FAF1: variants seen among roughly 807,000 people sequenced by gnomAD.
FAF1 encodes FAS-associated factor 1.
Under a neutral mutation model 92.5 loss-of-function variants are expected in FAF1, and 25 were observed. That is an observed-to-expected ratio of 0.27 (90% CI 0.20 to 0.38). The LOEUF (loss-of-function observed/expected upper bound fraction) is 0.38, where lower values mean the gene tolerates loss of function less well. FAF1 is among the 10% of genes least tolerant of loss of function. The pLI is 1.00. For missense variants in FAF1, 636 were observed against 793.3 expected, an observed-to-expected ratio of 0.80 and a Z score of 2.38; for synonymous variants, 234 against 273.2, an observed-to-expected ratio of 0.86 and a Z score of 1.42.
chr1:50,521,018 C>T lies in FAF1; in HGVS notation c.1494+14351G>A, dbSNP rs60779404. On this transcript the variant is annotated intron_variant, in intron 15 of 18. Coordinates refer to ENST00000396153, the MANE Select transcript of FAF1 (RefSeq NM_007051.3). ...TTCCTTAAAGAACAGGACTGGCACT[C>T]ATACTGTTTTTTATATATTAATTCA... Among the ~76,000 whole-genome samples the T allele has an allele frequency of 4.5e-3, 686 of 152,256 alleles. 6 individuals are homozygous for T. The highest frequency in any genetic ancestry group is 0.016 in the African/African-American group (653 of 41,552).
intron 7 of FAF1, among the ~76,000 whole-genome samples, chr1:50,676,474 G>T (rs939873305): frequency 2.0e-5 from 3 of 149,980 alleles, no homozygotes; most frequent in African/African-American, 7.3e-5. Context: ...TAAAAAAAAA[G>T]AAAAATGTAA....
At chr1:50,823,179 T>C (rs1266110919) in intron 2 of FAF1, among the ~76,000 whole-genome samples, 1 of 152,186 alleles carries the variant, frequency 6.6e-6, no homozygotes, top group African/African-American at 2.4e-5. Flanking sequence ...ATCTGCTTTA[T>C]ATTACAAGCA....
At chr1:50,635,773 C>T (rs1292385951) in intron 8 of FAF1, among the ~76,000 whole-genome samples, 1 of 152,166 alleles carries the variant, frequency 6.6e-6, no homozygotes, top group Non-Finnish European at 1.5e-5. Context: ...TGATGTCATG[C>T]CTGGCCTTTG....
intron 1 of FAF1, among the ~76,000 whole-genome samples, chr1:50,938,765 G>C (rs183995904): frequency 6.8e-4 from 104 of 152,272 alleles, no homozygotes; most frequent in Middle Eastern, 3.4e-3. Context: ...ATGGTGAAAG[G>C]TAAGGGTCTA....
At chr1:50,522,400 CTA>C (rs1255858055) in intron 15 of FAF1, among the ~76,000 whole-genome samples, 1 of 152,210 alleles carries the variant, frequency 6.6e-6, no homozygotes. Context: ...GGGGCAATTA[CTA>C]TCTCTTAAGA....
rs1646165245 is a variant in FAF1, at chr1:50,441,397, G to T, written c.*43C>A. The T allele has an allele frequency of 2.3e-6, 3 of 1,293,452 alleles. No homozygotes were observed. Among genetic ancestry groups the T allele is most frequent in the Non-Finnish European group, 3.2e-6 (3 of 942,050 alleles). The allele number at this position is 1,293,452 out of a possible 1,614,324, so 80.1% of individuals were successfully genotyped here. On this transcript the variant is annotated 3_prime_UTR_variant, in exon 19 of 19. Coordinates refer to ENST00000396153, the MANE Select transcript of FAF1 (RefSeq NM_007051.3). The stretch of plus-strand genomic sequence containing the variant: ...AGGAGCCCTTCTCCTGACGCAGGCT[G>T]CTGGCTTGTCAAGGAATGGCTGGTT...
rs74080027 is a variant in FAF1, at chr1:50,626,734, T to C, written c.744+28708A>G. Among the ~76,000 whole-genome samples the C allele has an allele frequency of 7.7e-3, 1,172 of 152,198 alleles. 13 individuals are homozygous for C. The highest frequency in any genetic ancestry group is 0.027 in the African/African-American group (1,132 of 41,532). ...TCTTTTAAAAAGTGTTATTCTGATATAGTACGGAGAGTTGATTGAGGGGAA... is the reference window on the plus strand; with the variant it reads ...TCTTTTAAAAAGTGTTATTCTGATACAGTACGGAGAGTTGATTGAGGGGAA... On this transcript the variant is annotated intron_variant, in intron 8 of 18. Transcript: ENST00000396153.
At chr1:50,441,715 A>G (rs1646168418) in intron 18 of FAF1, among the ~76,000 whole-genome samples, 192 bp from the exon 19 acceptor site, 1 of 152,214 alleles carries the variant, frequency 6.6e-6, no homozygotes, top group Admixed American at 6.5e-5. Flanking sequence ...TGAGGAAACC[A>G]GGGCTCAGGA....
intron 5 of FAF1, 73 bp downstream of exon 5, chr1:50,744,611 C>T (rs1659514883): frequency 9.5e-7 from 1 of 1,048,590 alleles, no homozygotes; most frequent in African/African-American, 1.6e-5. Flanking sequence ...TTAATTAAAA[C>T]CAATTTTTAC....
intron 8 of FAF1, among the ~76,000 whole-genome samples, chr1:50,598,675 C>T (rs866218254): frequency 2.0e-5 from 3 of 151,878 alleles, no homozygotes; most frequent in Non-Finnish European, 2.9e-5. Flanking sequence ...CTGTGCTGGG[C>T]GCAATGGCTC....
chr1:50,916,995 C>T (rs78776240), intron 1 of FAF1, among the ~76,000 whole-genome samples: 3,896 of 152,158 alleles, frequency 0.026, 61 homozygotes, highest in Non-Finnish European at 0.042. Flanking sequence ...CCAGATGAAT[C>T]GTGATAACTA....
intron 7 of FAF1, among the ~76,000 whole-genome samples, chr1:50,698,015 C>A (rs950838407): frequency 6.6e-6 from 1 of 152,092 alleles, no homozygotes; most frequent in Non-Finnish European, 1.5e-5. Context: ...AACCAAATAA[C>A]CTTTGGCATA....
chr1:50,540,192 T>C (rs1648696960), intron 13 of FAF1, among the ~76,000 whole-genome samples: 1 of 152,104 alleles, frequency 6.6e-6, no homozygotes, highest in Non-Finnish European at 1.5e-5. Flanking sequence ...CAGGATGGTC[T>C]TGAACTCCTG....
intron 18 of FAF1, among the ~76,000 whole-genome samples, chr1:50,453,894 A>C (rs1193877149): frequency 1.3e-5 from 2 of 152,176 alleles, no homozygotes; most frequent in African/African-American, 4.8e-5. Flanking sequence ...GTCAGAGAAC[A>C]AGCATCATTT....
At chr1:50,630,270 T>G (rs1653710633) in intron 8 of FAF1, among the ~76,000 whole-genome samples, 1 of 152,340 alleles carries the variant, frequency 6.6e-6, no homozygotes, top group South Asian at 2.1e-4. Flanking sequence ...AGACATATTT[T>G]GCATTAAACT....
chr1:50,791,920 T>C (rs1471623973), intron 3 of FAF1, among the ~76,000 whole-genome samples: 1 of 152,214 alleles, frequency 6.6e-6, no homozygotes, highest in African/African-American at 2.4e-5. Flanking sequence ...GATTCAAGAA[T>C]TGGCTTGATT....
At chr1:50,483,202 T>A (rs895371850) in intron 17 of FAF1, among the ~76,000 whole-genome samples, 2 of 150,962 alleles carry the variant, frequency 1.3e-5, no homozygotes, top group African/African-American at 5.0e-5. Context: ...TGGTTTTCTA[T>A]GGGATTTTTT....
intron 13 of FAF1, among the ~76,000 whole-genome samples, chr1:50,549,470 A>G (rs1246719497): frequency 1.3e-5 from 2 of 151,694 alleles, no homozygotes; most frequent in South Asian, 4.2e-4. Context: ...CACCATGCCC[A>G]GCTAAGTTTT....
chr1:50,607,156 A>G (rs1248902584), intron 8 of FAF1, among the ~76,000 whole-genome samples: 1 of 152,172 alleles, frequency 6.6e-6, no homozygotes, highest in Non-Finnish European at 1.5e-5. Flanking sequence ...CCATTAAAGC[A>G]AAGCAAAAAT....
Sources: gnomAD v4.1 joint callset for allele counts (sites outside exome capture counted in the v4.1 genomes callset) on GRCh38, gnomAD v4.1.1 for gene constraint, MANE v1.5 for transcripts, NCBI Gene and HGNC (gene_info 2026-07-23, HGNC 2026-07-21) for gene names.